The following FRAS1 variants were observed in gnomAD, a reference collection of about 807,000 sequenced individuals.
The protein encoded by FRAS1 is extracellular matrix organizing protein FRAS1.
In FRAS1, 290 loss-of-function variants were observed where a neutral mutation model predicts 435.2. The ratio of observed to expected loss-of-function variants is 0.67; its 90% CI spans 0.61 to 0.73. The LOEUF is 0.73. Among genes scored for constraint, FRAS1 ranks in the 30% least tolerant of loss-of-function variants. The probability of loss-of-function intolerance (pLI) is 0.00; values close to 1 mark genes in which losing one functional copy is unlikely to be tolerated. For synonymous variants in FRAS1, 1,800 were observed against 1,851.0 expected (o/e 0.97, Z 0.71); for missense variants, 4,860 against 5,001.5 (o/e 0.97, Z 0.85).
At position 78,138,494 on chromosome 4, in the gene FRAS1, T is replaced by C. The variant is rs150294393; in HGVS notation, c.108+72478T>C. 3.0e-3 allele frequency among the ~76,000 whole-genome samples: 450 copies of C among 152,342 alleles called. 2 individuals are homozygous for C. Among genetic ancestry groups the C allele is most frequent in the African/African-American group, 0.01 (428 of 41,570 alleles). On this transcript the variant is annotated intron_variant, in intron 2 of 73. Coordinates refer to ENST00000512123, the MANE Select transcript of FRAS1 (RefSeq NM_025074.7). ...GTAGAGAAATATATCTGGAGGGTTA[T>C]GCAATTTCTCTTAACTATATATTAT...
chr4:78,494,512 TCTTATTAACTAC>T (rs1248257916), intron 59 of FRAS1, among the ~76,000 whole-genome samples: 3 of 152,024 alleles, frequency 2.0e-5, no homozygotes, highest in Non-Finnish European at 2.9e-5. Context: ...GGTGTCAGAC[TCTTATTAACTAC>T]CTTATCTCAT....
At chr4:78,376,729 G>A (rs910363804) in intron 26 of FRAS1, among the ~76,000 whole-genome samples, 10 of 152,194 alleles carry the variant, frequency 6.6e-5, no homozygotes, top group East Asian at 5.8e-4. Flanking sequence ...GGTGGCTCAC[G>A]CCTGTAATCC....
intron 2 of FRAS1, chr4:78,181,767 C>G: frequency 1.2e-6 from 2 of 1,610,834 alleles, no homozygotes; most frequent in Non-Finnish European, 1.7e-6. Flanking sequence ...GGCTGCGTCT[C>G]CTCTTTCTTG....
At chr4:78,359,788 TGGGC>T (rs1355921641) in intron 20 of FRAS1, among the ~76,000 whole-genome samples, 1 of 152,178 alleles carries the variant, frequency 6.6e-6, no homozygotes, top group Non-Finnish European at 1.5e-5. Context: ...TGTGATGTAT[TGGGC>T]AACTTGGAGT....
intron 45 of FRAS1, among the ~76,000 whole-genome samples, chr4:78,450,719 A>G (rs1049982828): frequency 1.3e-5 from 2 of 152,156 alleles, no homozygotes; most frequent in African/African-American, 4.8e-5. Context: ...ATCTCTTTTC[A>G]GCTCCCCAAA....
At chr4:78,316,534 C>A (rs887202118) in intron 16 of FRAS1, among the ~76,000 whole-genome samples, 11 of 152,118 alleles carry the variant, frequency 7.2e-5, no homozygotes, top group African/African-American at 2.7e-4. Flanking sequence ...CTCTACCCAC[C>A]ACCCCCAACT....
Position 78,519,453 on chromosome 4 carries a change from C to T in FRAS1, c.10512C>T (p.Phe3504=), listed in dbSNP as rs1370970315. Residue 3504 remains phenylalanine (F), a synonymous_variant, in exon 67 of 74, where the codon TTC becomes TTT. Transcript: ENST00000512123. ...ACCACACCGAGATGGAGTTTTCTTT[C>T]TTCTATGACACTGTTCTCTGGAGAA... The part of the protein sequence containing the change: ...LEHHTEMEFS[F]FYDTVLWRTG... 6.2e-7 allele frequency: 1 copy of T among 1,611,714 alleles called. No individual in the cohort carries two copies. The highest frequency in any genetic ancestry group is 8.5e-7 in the Non-Finnish European group (1 of 1,179,078).
chr4:78,117,810 G>T (rs1275321694), intron 2 of FRAS1, among the ~76,000 whole-genome samples: 1 of 152,234 alleles, frequency 6.6e-6, no homozygotes, highest in African/African-American at 2.4e-5. Flanking sequence ...TTGATCGTCT[G>T]AAGCCTTCTT....
intron 70 of FRAS1, among the ~76,000 whole-genome samples, chr4:78,532,808 G>A (rs1721757356): frequency 6.6e-6 from 1 of 151,840 alleles, no homozygotes; most frequent in South Asian, 2.1e-4. Context: ...ACGAATGGCA[G>A]GATCTCCTTA....
At chr4:78,314,442 A>G (rs760420351) in intron 15 of FRAS1, among the ~76,000 whole-genome samples, 3 of 151,880 alleles carry the variant, frequency 2.0e-5, no homozygotes, top group Non-Finnish European at 4.4e-5. Flanking sequence ...CTCTAATTCA[A>G]CCCTTAATCA....
Position 78,163,449 on chromosome 4 carries a change from C to T in FRAS1, c.109-74061C>T, listed in dbSNP as rs552163344. Among the ~76,000 whole-genome samples the T allele has an allele frequency of 3.3e-5, 5 of 152,208 alleles. No homozygotes were observed. In the South Asian group the frequency reaches 6.2e-4, roughly 19 times the overall value. On this transcript the variant is annotated intron_variant, in intron 2 of 73. Transcript: ENST00000512123. ...TTCTCGGGACCAGTTAATTGAATTA[C>T]CTAATTATTCCAAGAGTGGGTAATA...
chr4:78,117,896 G>A (rs375698135), intron 2 of FRAS1, among the ~76,000 whole-genome samples: 1 of 152,222 alleles, frequency 6.6e-6, no homozygotes, highest in Non-Finnish European at 1.5e-5. Context: ...TTTGGTGGAG[G>A]AGAGGTTGTC....
chr4:78,472,175 T>C lies in FRAS1; in HGVS notation c.7372-5T>C, dbSNP rs949012736. Reference sequence around the variant, plus strand: ...GGAATTAAATTAAATGGGTTTCTATTCTAGGCAACCAACCTGATCACCAAG... The same window carrying C: ...GGAATTAAATTAAATGGGTTTCTATCCTAGGCAACCAACCTGATCACCAAG... On this transcript the variant is annotated splice_polypyrimidine_tract_variant and splice_region_variant and intron_variant, in intron 51 of 73. Coordinates refer to ENST00000512123, the MANE Select transcript of FRAS1 (RefSeq NM_025074.7). 3 of 1,613,642 alleles carry C rather than the reference T, an allele frequency of 1.9e-6. No individual in the cohort carries two copies. Among genetic ancestry groups the C allele is most frequent in the Admixed American group, 3.3e-5 (2 of 60,006 alleles).
chr4:78,342,547 G>GA (rs199891314), intron 20 of FRAS1, among the ~76,000 whole-genome samples: 2,237 of 151,972 alleles, frequency 0.015, 60 homozygotes, highest in African/African-American at 0.051. Context: ...TCATAGATTA[G>GA]AAAAAATTTT....
intron 58 of FRAS1, among the ~76,000 whole-genome samples, chr4:78,488,661 T>G (rs1415205441): frequency 6.6e-6 from 1 of 152,210 alleles, no homozygotes; most frequent in Non-Finnish European, 1.5e-5. Context: ...CTGTTCTATT[T>G]CACTGGATGC....
chr4:78,262,828 A>G (rs1726174759), intron 6 of FRAS1, among the ~76,000 whole-genome samples: 1 of 152,170 alleles, frequency 6.6e-6, no homozygotes. Context: ...AGGGCACCAT[A>G]TTAGACCTAG....
intron 18 of FRAS1, among the ~76,000 whole-genome samples, chr4:78,330,583 T>TGG (rs35982051): frequency 6.6e-6 from 1 of 152,132 alleles, no homozygotes; most frequent in African/African-American, 2.4e-5. Flanking sequence ...AATGCGCGCC[T>TGG]GGGGGGTCTC....
chr4:78,104,805 C>T (rs1742307330), intron 2 of FRAS1, among the ~76,000 whole-genome samples: 1 of 152,000 alleles, frequency 6.6e-6, no homozygotes, highest in African/African-American at 2.4e-5. Context: ...ACTTAAGAGC[C>T]CTATTCTAGA....
At chr4:78,507,326 T>G (rs1720874088) in intron 61 of FRAS1, 95 bp from the exon 62 acceptor site, 1 of 1,074,014 alleles carries the variant, frequency 9.3e-7, no homozygotes, top group Non-Finnish European at 1.3e-6. Flanking sequence ...AAAGAACATA[T>G]TTTAACATAA....
Sources: allele counts gnomAD v4.1 joint callset (sites outside exome capture counted in the v4.1 genomes callset), GRCh38; gene constraint gnomAD v4.1.1; transcripts MANE v1.5; gene names NCBI Gene and HGNC (gene_info 2026-07-23, HGNC 2026-07-21).